The following RAB31 variants were observed in gnomAD, a reference collection of about 807,000 sequenced individuals.
RAB31 encodes the protein ras-related protein Rab-31.
A neutral mutation model predicts 25.6 loss-of-function variants in RAB31; 21 were observed. The observed-to-expected ratio is 0.82, with a 90% CI of 0.58 to 1.18. The LOEUF (loss-of-function observed/expected upper bound fraction) is 1.18. Ranked by LOEUF, RAB31 falls within the 50% of genes most tolerant of loss-of-function variation. The pLI is 0.00. For synonymous variants in RAB31, 87 were observed against 84.0 expected, an observed-to-expected ratio of 1.04 and a Z score of -0.20; for missense variants, 196 against 250.1, an observed-to-expected ratio of 0.78 and a Z score of 1.46.
intron 5 of RAB31, among the ~76,000 whole-genome samples, chr18:9,835,905 C>T (rs2068701997): frequency 6.6e-6 from 1 of 152,018 alleles, no homozygotes; most frequent in Non-Finnish European, 1.5e-5. Context: ...CTAGGGGGAG[C>T]ATAACAAACT....
Position 9,861,738 on chromosome 18 carries a change from T to C in RAB31, c.*2413T>C, listed in dbSNP as rs1436348257. ...CCTTGGCATCGTTTTCCAAAATTTGTTCCTTCTCCCTTTTTTTTTTCTTTC... is the reference window on the plus strand; with the variant it reads ...CCTTGGCATCGTTTTCCAAAATTTGCTCCTTCTCCCTTTTTTTTTTCTTTC... On this transcript the variant is annotated 3_prime_UTR_variant, in exon 7 of 7. Transcript: ENST00000578921. 6.6e-6 allele frequency: 1 copy of C among 151,900 alleles called. No homozygotes were observed. Among genetic ancestry groups the C allele is most frequent in the South Asian group, 2.1e-4 (1 of 4,828 alleles). 9.4% of individuals were successfully genotyped at this position (151,900 alleles called of 1,614,324 possible).
At chr18:9,771,005 A>C (rs866993806) in intron 1 of RAB31, among the ~76,000 whole-genome samples, 2 of 151,572 alleles carry the variant, frequency 1.3e-5, no homozygotes, top group Non-Finnish European at 2.9e-5. Flanking sequence ...CTGCAAAAAA[A>C]CCCCTAACAT....
chr18:9,790,058 T>A (rs1251531490), intron 2 of RAB31, among the ~76,000 whole-genome samples: 1 of 152,114 alleles, frequency 6.6e-6, no homozygotes, highest in Non-Finnish European at 1.5e-5. Flanking sequence ...TATATGAAAG[T>A]AAGGTGAAGA....
intron 6 of RAB31, among the ~76,000 whole-genome samples, chr18:9,846,558 A>G (rs1264163036): frequency 1.3e-5 from 2 of 152,218 alleles, no homozygotes; most frequent in African/African-American, 4.8e-5. Context: ...TAGCCACCTT[A>G]GGAGGAGTTG....
intron 1 of RAB31, among the ~76,000 whole-genome samples, chr18:9,765,366 T>G (rs2068310631): frequency 6.6e-6 from 1 of 152,230 alleles, no homozygotes; most frequent in South Asian, 2.1e-4. Context: ...GCTCAGTTTT[T>G]CCTAGAACAG....
chr18:9,851,564 ACAGG>A (rs2068789287), intron 6 of RAB31, among the ~76,000 whole-genome samples: 1 of 152,192 alleles, frequency 6.6e-6, no homozygotes, highest in Non-Finnish European at 1.5e-5. Flanking sequence ...TAAGTGAGAG[ACAGG>A]CAGGCAGGCT....
intron 2 of RAB31, among the ~76,000 whole-genome samples, chr18:9,777,621 T>C (rs756743530): frequency 1.8e-4 from 27 of 152,126 alleles, no homozygotes; most frequent in Non-Finnish European, 3.2e-4. Context: ...TGTGTTTTAA[T>C]AATAAAAAGC....
At chr18:9,823,578 C>T (rs954558763) in intron 5 of RAB31, among the ~76,000 whole-genome samples, 14 of 151,888 alleles carry the variant, frequency 9.2e-5, no homozygotes, top group East Asian at 1.9e-4. Context: ...AACGAATCTA[C>T]GGTTATCTCA....
At chr18:9,833,850 C>T (rs186726140) in intron 5 of RAB31, among the ~76,000 whole-genome samples, 2 of 152,272 alleles carry the variant, frequency 1.3e-5, no homozygotes, top group East Asian at 3.9e-4. Context: ...CCAAAAGTGT[C>T]ATAAAGTTCT....
At chr18:9,713,439 C>T (rs146956991) in intron 1 of RAB31, among the ~76,000 whole-genome samples, 2 of 152,118 alleles carry the variant, frequency 1.3e-5, no homozygotes, top group Admixed American at 6.5e-5. Context: ...CTATGTTACA[C>T]GAGAATAAAT....
intron 5 of RAB31, among the ~76,000 whole-genome samples, chr18:9,835,605 C>T (rs536361557): frequency 6.6e-6 from 1 of 152,264 alleles, no homozygotes; most frequent in East Asian, 1.9e-4. Flanking sequence ...AGGTGAGGCC[C>T]CTTGGGAGCA....
chr18:9,738,966 G>A (rs2068164101), intron 1 of RAB31, among the ~76,000 whole-genome samples: 2 of 152,208 alleles, frequency 1.3e-5, no homozygotes, highest in Non-Finnish European at 2.9e-5. Context: ...CTTGCTTGGT[G>A]TGTGGGGAAA....
intron 5 of RAB31, among the ~76,000 whole-genome samples, chr18:9,824,461 G>GGT (rs1212631646): frequency 6.6e-6 from 1 of 151,084 alleles, no homozygotes; most frequent in Non-Finnish European, 1.5e-5. Flanking sequence ...TGTGTGTGTA[G>GGT]GTGTGTGTGT....
chr18:9,832,520 G>A (rs144713568), intron 5 of RAB31, among the ~76,000 whole-genome samples: 96 of 152,332 alleles, frequency 6.3e-4, no homozygotes, highest in African/African-American at 2.1e-3. Context: ...CGGAAGCAAC[G>A]CTTGCAGGCG....
chr18:9,801,475 G>T (rs1406657259), intron 3 of RAB31, among the ~76,000 whole-genome samples: 1 of 152,034 alleles, frequency 6.6e-6, no homozygotes, highest in Non-Finnish European at 1.5e-5. Context: ...TAGAGACAGG[G>T]TTTTACCATG....
intron 6 of RAB31, among the ~76,000 whole-genome samples, chr18:9,847,819 C>T (rs1361022744): frequency 6.6e-6 from 1 of 152,154 alleles, no homozygotes; most frequent in Admixed American, 6.5e-5. Context: ...AGCAATCTTC[C>T]CCCATCGGCC....
At chr18:9,761,198 G>A (rs953940066) in intron 1 of RAB31, among the ~76,000 whole-genome samples, 3 of 152,140 alleles carry the variant, frequency 2.0e-5, no homozygotes, top group African/African-American at 7.2e-5. Flanking sequence ...ACAGCCCAGA[G>A]AGTAGACTCC....
intron 1 of RAB31, among the ~76,000 whole-genome samples, chr18:9,739,606 C>T (rs1294338895): frequency 2.0e-5 from 3 of 151,332 alleles, no homozygotes; most frequent in African/African-American, 4.9e-5. Flanking sequence ...GAGTAAAGCA[C>T]AGGTTTTTAA....
At chr18:9,785,503 C>G (rs185479493) in intron 2 of RAB31, among the ~76,000 whole-genome samples, 4 of 152,182 alleles carry the variant, frequency 2.6e-5, no homozygotes, top group African/African-American at 9.7e-5. Flanking sequence ...CAGTTCCTGG[C>G]TCCTAACTCC....
Sources: gnomAD v4.1 joint callset for allele counts (sites outside exome capture counted in the v4.1 genomes callset) on GRCh38, gnomAD v4.1.1 for gene constraint, MANE v1.5 for transcripts, NCBI Gene and HGNC (gene_info 2026-07-23, HGNC 2026-07-21) for gene names.